PCDH11X: variants seen among roughly 807,000 people sequenced by gnomAD.
PCDH11X encodes protocadherin-11 X-linked.
A neutral mutation model predicts 53.3 loss-of-function variants in PCDH11X; 18 were observed. The observed-to-expected ratio is 0.34, with a 90% confidence interval of 0.23 to 0.50. The LOEUF is 0.50. Among genes scored for constraint, PCDH11X ranks in the 20% least tolerant of loss-of-function variants. PCDH11X has a pLI of 0.98. For synonymous variants in PCDH11X, 279 were observed against 393.3 expected (o/e 0.71, Z 3.44); for missense variants, 570 against 1,032.4 (o/e 0.55, Z 6.14).
intron 8 of PCDH11X, among the ~76,000 whole-genome samples, chrX:92,342,884 G>T (rs1274697355): frequency 2.7e-5 from 3 of 111,625 alleles, no homozygotes. Context: ...AAAGAGAAAA[G>T]AATATGTGAA....
intron 6 of PCDH11X, among the ~76,000 whole-genome samples, chrX:92,077,074 T>G (rs1387780254): frequency 8.9e-6 from 1 of 112,073 alleles, no homozygotes; most frequent in Non-Finnish European, 1.9e-5. Flanking sequence ...ACAACAAAAC[T>G]GTATAGCATC....
intron 5 of PCDH11X, among the ~76,000 whole-genome samples, chrX:91,866,609 GGGA>G (rs1939004252): frequency 9.0e-6 from 1 of 111,262 alleles, no homozygotes; most frequent in African/African-American, 3.3e-5. Flanking sequence ...CAGCAGTTGG[GGGA>G]GGAGAAGTGG....
chrX:91,793,211 C>A (rs1212512412), intron 1 of PCDH11X, among the ~76,000 whole-genome samples: 1 of 108,856 alleles, frequency 9.2e-6, no homozygotes, highest in Non-Finnish European at 1.9e-5. Flanking sequence ...ACAAGTTTTT[C>A]TATTCTTAAA....
At chrX:92,261,609 G>A (rs1434671009) in intron 7 of PCDH11X, among the ~76,000 whole-genome samples, 2 of 109,824 alleles carry the variant, frequency 1.8e-5, no homozygotes, top group Admixed American at 9.6e-5. Flanking sequence ...AATCTATTGT[G>A]ATTGTGAAAG....
intron 9 of PCDH11X, among the ~76,000 whole-genome samples, chrX:92,412,067 AGAG>A (rs200654585): frequency 1.3e-4 from 9 of 71,420 alleles, no homozygotes; most frequent in Non-Finnish European, 1.7e-4. Context: ...GGGAAGAGGA[AGAG>A]GAGGAGGAGG....
At chrX:92,566,843 A>G (rs1306259820) in intron 10 of PCDH11X, among the ~76,000 whole-genome samples, 1 of 110,867 alleles carries the variant, frequency 9.0e-6, no homozygotes, top group Non-Finnish European at 1.9e-5. Flanking sequence ...AATACTCAAA[A>G]TGTCATGTAT....
intron 9 of PCDH11X, among the ~76,000 whole-genome samples, chrX:92,434,524 G>A (rs1471748223): frequency 1.8e-5 from 2 of 110,386 alleles, no homozygotes; most frequent in African/African-American, 6.6e-5. Context: ...ATGACGTAGA[G>A]CCACACTCAA....
At chrX:92,501,464 A>G (rs1221007220) in intron 10 of PCDH11X, among the ~76,000 whole-genome samples, 1 of 111,399 alleles carries the variant, frequency 9.0e-6, no homozygotes, top group Non-Finnish European at 1.9e-5. Context: ...ATGAACATCA[A>G]TGCAGAAATC....
At chrX:91,788,622 G>A (rs1935409454) in intron 1 of PCDH11X, among the ~76,000 whole-genome samples, 1 of 112,124 alleles carries the variant, frequency 8.9e-6, no homozygotes, top group Admixed American at 9.4e-5. Context: ...CTCTATGCCA[G>A]GGCATATGTG....
chrX:92,256,516 A>G (rs2067590856), intron 7 of PCDH11X, among the ~76,000 whole-genome samples: 1 of 111,636 alleles, frequency 9.0e-6, no homozygotes, highest in South Asian at 3.8e-4. Context: ...TATAAATCCC[A>G]CTTGGTGATA....
intron 8 of PCDH11X, among the ~76,000 whole-genome samples, chrX:92,278,738 A>C (rs780235024): frequency 9.2e-6 from 1 of 108,981 alleles, no homozygotes; most frequent in Admixed American, 9.8e-5. Context: ...CCATCTGGTC[A>C]TATCCGTGCA....
At chrX:92,176,167 A>G (rs2065907315) in intron 6 of PCDH11X, among the ~76,000 whole-genome samples, 1 of 111,563 alleles carries the variant, frequency 9.0e-6, no homozygotes, top group African/African-American at 3.3e-5. Flanking sequence ...GTTTCCATGT[A>G]TTTAGGATGC....
chrX:92,236,182 C>T lies in PCDH11X; in HGVS notation c.3115-26932C>T, dbSNP rs767645419. On this transcript the variant is annotated intron_variant, in intron 7 of 10. Transcript: ENST00000682573. ...GAACATCGGAAGAACAAAGAATTAA[C>T]GTACCATGGAGACTTAAGGCATGGT... Among the ~76,000 whole-genome samples the T allele has an allele frequency of 1.8e-4, 20 of 110,993 alleles. No individual in the cohort carries two copies. In the South Asian group the frequency reaches 1.9e-3, roughly 10 times the overall value.
chrX:92,329,229 C>T (rs2069406159), intron 8 of PCDH11X, among the ~76,000 whole-genome samples: 1 of 111,197 alleles, frequency 9.0e-6, no homozygotes, highest in Non-Finnish European at 1.9e-5. Context: ...ATGACAAAAT[C>T]TAACATTTAC....
intron 5 of PCDH11X, among the ~76,000 whole-genome samples, chrX:91,849,961 T>C (rs750036556): frequency 8.3e-4 from 85 of 101,845 alleles, no homozygotes; most frequent in African/African-American, 3.0e-3. Context: ...CTAGAAATTA[T>C]CTACTTTAGC....
At chrX:91,919,150 G>A (rs1941663528) in intron 6 of PCDH11X, among the ~76,000 whole-genome samples, 1 of 111,697 alleles carries the variant, frequency 9.0e-6, no homozygotes, top group South Asian at 3.7e-4. Context: ...GTAAGAGACA[G>A]CTCTATAAAT....
chrX:91,873,734 C>T (rs1939444104), intron 5 of PCDH11X, among the ~76,000 whole-genome samples: 1 of 111,239 alleles, frequency 9.0e-6, no homozygotes, highest in Admixed American at 9.6e-5. Context: ...ATTCGTTTTC[C>T]CAGATGTATT....
At chrX:92,160,403 A>G (rs2065620772) in intron 6 of PCDH11X, among the ~76,000 whole-genome samples, 1 of 109,944 alleles carries the variant, frequency 9.1e-6, no homozygotes, top group South Asian at 3.8e-4. Flanking sequence ...GAGTGAGAAC[A>G]TAGGATATTT....
At chrX:92,292,614 C>T (rs766773257) in intron 8 of PCDH11X, among the ~76,000 whole-genome samples, 48 of 111,179 alleles carry the variant, frequency 4.3e-4, no homozygotes, top group Non-Finnish European at 7.8e-4. Flanking sequence ...AAAAAGAAAA[C>T]ATTCAAGGAA....
Sources: gnomAD v4.1 joint callset for allele counts (sites outside exome capture counted in the v4.1 genomes callset) on GRCh38, gnomAD v4.1.1 for gene constraint, MANE v1.5 for transcripts, NCBI Gene and HGNC (gene_info 2026-07-23, HGNC 2026-07-21) for gene names.